Variants in EFCAB5 observed in about 807,000 individuals in gnomAD.
The protein encoded by EFCAB5 is EF-hand calcium binding domain 5, also known as EF-hand calcium-binding domain-containing protein 5.
Under a neutral mutation model 167.9 loss-of-function variants are expected in EFCAB5, and 131 were observed. The observed-to-expected ratio is 0.78, with a 90% CI of 0.68 to 0.90. The LOEUF is 0.90. Ranked by LOEUF, EFCAB5 falls within the 40% of genes least tolerant of loss-of-function variation. EFCAB5 has a pLI of 0.00. For synonymous variants in EFCAB5, 574 were observed against 602.8 expected (o/e 0.95, Z 0.70); for missense variants, 1,663 against 1,745.2 (o/e 0.95, Z 0.84).
At chr17:29,947,961 G>A (rs2067436410) in intron 3 of EFCAB5, among the ~76,000 whole-genome samples, 1 of 152,078 alleles carries the variant, frequency 6.6e-6, no homozygotes, top group Non-Finnish European at 1.5e-5. Context: ...AAATAGCTGG[G>A]ATTGCAGCCA....
chr17:30,043,004 G>T (rs1474983211), intron 8 of EFCAB5, among the ~76,000 whole-genome samples: 1 of 152,088 alleles, frequency 6.6e-6, no homozygotes, highest in Admixed American at 6.6e-5. Context: ...TCAGAGCTGA[G>T]CATGGTGGCA....
At chr17:29,970,382 C>G (rs904199637) in intron 4 of EFCAB5, among the ~76,000 whole-genome samples, 24 of 151,864 alleles carry the variant, frequency 1.6e-4, no homozygotes, top group Non-Finnish European at 2.9e-5. Context: ...CCACTATTTG[C>G]TCTTCTTCTT....
At position 30,090,423 on chromosome 17, in the gene EFCAB5, A is replaced by T; in HGVS notation, c.3686A>T (p.Asp1229Val). 1 of 1,610,430 alleles carries T rather than the reference A, an allele frequency of 6.2e-7. No individual in the cohort carries two copies. Among genetic ancestry groups the T allele is most frequent in the African/African-American group, 1.3e-5 (1 of 74,782 alleles). ...TIHRKSCIFRDFLFKCTDSSE... is the reference protein window; with the variant it reads ...TIHRKSCIFRVFLFKCTDSSE... ...TGCTTATTTGGTTTTGATTTCAGAGATTTCCTCTTTAAATGTACTGACAGT... is the reference window on the plus strand; with the variant it reads ...TGCTTATTTGGTTTTGATTTCAGAGTTTTCCTCTTTAAATGTACTGACAGT... The change falls in exon 20 of 23, where the codon GAT becomes GTT. Residue 1229 changes from aspartate to valine, a missense_variant and splice_region_variant. Transcript: ENST00000394835.
At position 29,968,810 on chromosome 17, in the gene EFCAB5, G is replaced by A. The variant is rs774383216; in HGVS notation, c.210G>A (p.Gln70=). 4 of 1,497,450 alleles carry A rather than the reference G, an allele frequency of 2.7e-6. No individual in the cohort carries two copies. Among genetic ancestry groups the A allele is most frequent in the African/African-American group, 1.4e-5 (1 of 70,550 alleles). 92.8% of individuals were successfully genotyped at this position (1,497,450 alleles called of 1,614,324 possible). A position where few individuals can be genotyped will look rare whatever the true frequency, so the allele number is the denominator to read the frequency against. ...IKSQELNLEG[Q]RKISPGSIKD... Reference sequence around the variant, plus strand: ...CCTCAGAATTAAACCTGGAGGGGCAGCGAAAAATTTCACCTGGTTCAATAA... The same window carrying A: ...CCTCAGAATTAAACCTGGAGGGGCAACGAAAAATTTCACCTGGTTCAATAA... Residue 70 remains glutamine, a synonymous_variant, in exon 4 of 23, where the codon CAG becomes CAA. Transcript: ENST00000394835.
Position 30,053,904 on chromosome 17 carries a change from A to C in EFCAB5, c.1950A>C (p.Lys650Asn). 1 of 1,614,016 alleles carries C rather than the reference A, an allele frequency of 6.2e-7. No homozygotes were observed. The highest frequency in any genetic ancestry group is 8.5e-7 in the Non-Finnish European group (1 of 1,179,888). The change falls in exon 10 of 23, where the codon AAA becomes AAC. Residue 650 changes from lysine to asparagine, a missense_variant. By Grantham distance (94) the Lys-to-Asn change is moderately conservative. Transcript: ENST00000394835. ...CAGTAATAGAAGAACCATACCAAAAATCAGAACAAGGACCTTATGGAGAGA... is the reference window on the plus strand; with the variant it reads ...CAGTAATAGAAGAACCATACCAAAACTCAGAACAAGGACCTTATGGAGAGA... ...RESVIEEPYQKSEQGPYGEII... is the reference protein window; with the variant it reads ...RESVIEEPYQNSEQGPYGEII...
In EFCAB5 at chr17:30,057,677, T is replaced by C. The variant is rs1423815353; in HGVS notation, c.2367T>C (p.Asp789=). The change falls in exon 13 of 23, where the codon GAT becomes GAC. Residue 789 remains aspartate (D), a splice_region_variant and synonymous_variant. Coordinates refer to ENST00000394835, the MANE Select transcript of EFCAB5 (RefSeq NM_198529.4). The part of the protein sequence containing the change: ...NLIYGNSRFT[D]LHSIIRNIQS... ...TTGGTAATGTTTCTTGCTTGACAGA[T>C]TTACACTCAATTATCAGAAATATTC... 6.2e-7 allele frequency: 1 copy of C among 1,611,720 alleles called. No homozygotes were observed.
rs748458616 is a variant in EFCAB5, at chr17:29,943,538, T to C, written c.106-27T>C. The C allele has an allele frequency of 1.2e-5, 18 of 1,531,686 alleles. 1 individual carries two copies. The East Asian group carries it at 3.1e-4, about 27-fold the overall frequency. 94.9% of individuals were successfully genotyped at this position (1,531,686 alleles called of 1,614,324 possible). A position where few individuals can be genotyped will look rare whatever the true frequency, so the allele number is the denominator to read the frequency against. On this transcript the variant is annotated intron_variant, in intron 2 of 22. Transcript: ENST00000394835. ...TGTTGAAAATCAAGTCACATTGAAA[T>C]TGGTGATTTTTTTCCTCTTTTCAAA... is the stretch of plus-strand genomic sequence containing the variant.
intron 3 of EFCAB5, among the ~76,000 whole-genome samples, chr17:29,959,510 C>T (rs989446202): frequency 2.6e-5 from 4 of 152,094 alleles, no homozygotes; most frequent in Non-Finnish European, 5.9e-5. Context: ...CTGGCTACCA[C>T]TGATGTTTAT....
chr17:30,075,356 C>CT (rs1355703003), intron 14 of EFCAB5, among the ~76,000 whole-genome samples: 2 of 152,272 alleles, frequency 1.3e-5, no homozygotes, highest in Middle Eastern at 3.4e-3. Context: ...AGTGGATGCC[C>CT]TTTACATAGT....
chr17:30,082,330 A>T (rs1462831726), intron 17 of EFCAB5, among the ~76,000 whole-genome samples: 1 of 150,756 alleles, frequency 6.6e-6, no homozygotes, highest in Non-Finnish European at 1.5e-5. Context: ...ACATACCACA[A>T]ATTTCACTGG....
At chr17:29,975,445 T>C (rs916368871) in intron 4 of EFCAB5, among the ~76,000 whole-genome samples, 3 of 151,998 alleles carry the variant, frequency 2.0e-5, no homozygotes, top group African/African-American at 7.2e-5. Flanking sequence ...TAAGTAGAGA[T>C]GGGGTTTCAC....
At chr17:30,052,267 C>T (rs567294789) in intron 9 of EFCAB5, among the ~76,000 whole-genome samples, 2 of 152,122 alleles carry the variant, frequency 1.3e-5, no homozygotes, top group Non-Finnish European at 2.9e-5. Flanking sequence ...CAGGTTCAAG[C>T]GATTCCCCCT....
chr17:29,942,327 A>T, intron 2 of EFCAB5, 25 bp downstream of exon 2: 1 of 1,539,704 alleles, frequency 6.5e-7, no homozygotes, highest in Non-Finnish European at 8.8e-7. Flanking sequence ...AATAAATCAG[A>T]TATTAATGCT....
In EFCAB5 at chr17:30,050,522, G is replaced by A. The variant is rs181789809; in HGVS notation, c.1201-596G>A. On this transcript the variant is annotated intron_variant, in intron 8 of 22. Coordinates refer to ENST00000394835, the MANE Select transcript of EFCAB5 (RefSeq NM_198529.4). ...TGCAGTGACATGATCATAGCTCACT[G>A]CAAATCAACATATCCTCTGGCCTCA... Among the ~76,000 whole-genome samples the A allele has an allele frequency of 9.6e-4, 146 of 152,178 alleles. 1 individual carries two copies. The highest frequency in any genetic ancestry group is 8.9e-3 in the Admixed American group (136 of 15,276).
At chr17:30,080,712 TC>T (rs1237038753) in intron 16 of EFCAB5, 40 bp from the exon 17 acceptor site, 1 of 1,415,068 alleles carries the variant, frequency 7.1e-7, no homozygotes, top group Admixed American at 2.0e-5. Flanking sequence ...TCTAAATCTC[TC>T]CCTGTGCCTT....
chr17:30,012,820 G>C (rs1015810312), intron 7 of EFCAB5, among the ~76,000 whole-genome samples: 1 of 152,140 alleles, frequency 6.6e-6, no homozygotes, highest in African/African-American at 2.4e-5. Flanking sequence ...GATTGCCCTG[G>C]CCAGAACTTC....
chr17:29,970,552 C>A (rs1290765989), intron 4 of EFCAB5, among the ~76,000 whole-genome samples: 1 of 150,706 alleles, frequency 6.6e-6, no homozygotes, highest in African/African-American at 2.4e-5. Context: ...TCTTAGAAAA[C>A]CAACATCTTC....
chr17:30,051,273 T>C (rs150995294), intron 9 of EFCAB5, 56 bp downstream of exon 9: 1 of 1,411,062 alleles, frequency 7.1e-7, no homozygotes, highest in Non-Finnish European at 1.0e-6. Flanking sequence ...TGCACTGATA[T>C]GTACTGATAT....
In EFCAB5 at chr17:30,064,762, A is replaced by G. The variant is rs976026740; in HGVS notation, c.2737+5061A>G. Among the ~76,000 whole-genome samples the G allele has an allele frequency of 6.9e-4, 105 of 152,340 alleles. 2 individuals carry two copies. Among genetic ancestry groups the G allele is most frequent in the Non-Finnish European group, 2.6e-4 (18 of 68,036 alleles). On this transcript the variant is annotated intron_variant, in intron 14 of 22. Coordinates refer to ENST00000394835, the MANE Select transcript of EFCAB5 (RefSeq NM_198529.4). Reference sequence around the variant, plus strand: ...CAAAGACAAAGAGAGAACTCTAAAAACAGCTAGAGAAAAGTATCATATAAG... The same window carrying G: ...CAAAGACAAAGAGAGAACTCTAAAAGCAGCTAGAGAAAAGTATCATATAAG...
Sources: allele counts gnomAD v4.1 joint callset (sites outside exome capture counted in the v4.1 genomes callset), GRCh38; gene constraint gnomAD v4.1.1; transcripts MANE v1.5; gene names NCBI Gene and HGNC (gene_info 2026-07-23, HGNC 2026-07-21).